Variants in CPSF7 observed in about 807,000 individuals in gnomAD.
The protein encoded by CPSF7 is cleavage and polyadenylation specific factor 7, also known as cleavage and polyadenylation specificity factor subunit 7.
Under a neutral mutation model 44.3 loss-of-function variants are expected in CPSF7, and 1 was observed. The observed-to-expected ratio is 0.02, with a 90% CI of 0.01 to 0.11. CPSF7 has a LOEUF of 0.11. Ranked by LOEUF, CPSF7 falls within the 10% of genes least tolerant of loss-of-function variation. CPSF7 has a pLI of 1.00. For synonymous variants in CPSF7, 202 were observed against 222.0 expected, an observed-to-expected ratio of 0.91 and a Z score of 0.80; for missense variants, 443 against 607.2, an observed-to-expected ratio of 0.73 and a Z score of 2.84.
intron 3 of CPSF7, chr11:61,420,908 T>G: frequency 4.0e-6 from 2 of 504,758 alleles, no homozygotes; most frequent in Admixed American, 5.2e-5. Context: ...TTGCCAGAAC[T>G]TCCCCCACAG....
chr11:61,409,099 C>A (rs1859604529), intron 9 of CPSF7, among the ~76,000 whole-genome samples: 1 of 151,918 alleles, frequency 6.6e-6, no homozygotes, highest in Non-Finnish European at 1.5e-5. Flanking sequence ...GATGGTGCCT[C>A]ATGACAGTGC....
At position 61,429,936 on chromosome 11, in the gene CPSF7, G is replaced by GCGA. The variant is rs1332738518; in HGVS notation, c.-81_-79dup. 7.0e-7 allele frequency: 1 copy of GCGA among 1,425,776 alleles called. No homozygotes were observed. Among genetic ancestry groups the GCGA allele is most frequent in the East Asian group, 2.6e-5 (1 of 38,560 alleles). 88.3% of individuals were successfully genotyped at this position (1,425,776 alleles called of 1,614,324 possible). A position where few individuals can be genotyped will look rare whatever the true frequency, so the allele number is the denominator to read the frequency against. On this transcript the variant is annotated 5_prime_UTR_variant, in exon 1 of 10. Coordinates refer to ENST00000439958, the MANE Select transcript of CPSF7 (RefSeq NM_001142565.3). ...TACCGGGAATATGGCGGCGGCGGCG[G>GCGA]CGAGTCCGGACTAGGCCCGAAGCGC...
intron 3 of CPSF7, 43 bp downstream of exon 3, chr11:61,421,347 C>A (rs372493549): frequency 3.3e-6 from 5 of 1,528,014 alleles, no homozygotes; most frequent in Non-Finnish European, 4.5e-6. Flanking sequence ...CCAGTGCTCT[C>A]CCTCCAGCCC....
chr11:61,427,655 GAAAAAAA>G (rs576742257), intron 2 of CPSF7, among the ~76,000 whole-genome samples: 2 of 41,710 alleles, frequency 4.8e-5, no homozygotes, highest in South Asian at 7.6e-4. Flanking sequence ...TCTGTCTCAA[GAAAAAAA>G]AAAAAAAAAA....
Position 61,429,190 on chromosome 11 carries a change from ACTC to A in CPSF7, c.43_45del (p.Glu15del), listed in dbSNP as rs1861688826. On this transcript the variant is annotated inframe_deletion, in exon 2 of 10. Transcript: ENST00000439958. ...TCCTGATGACACCTCACCTGGTTGAACTCCTCGTCAGCATATATATCAATCAAG... is the reference window on the plus strand; with the variant it reads ...TCCTGATGACACCTCACCTGGTTGAACTCGTCAGCATATATATCAATCAAG... 3.1e-6 allele frequency: 5 copies of A among 1,592,498 alleles called. No individual in the cohort carries two copies. The highest frequency in any genetic ancestry group is 4.3e-6 in the Non-Finnish European group (5 of 1,161,790).
At position 61,416,224 on chromosome 11, in the gene CPSF7, A is replaced by C; in HGVS notation, c.819T>G (p.Pro273=). The C allele has an allele frequency of 1.3e-6, 2 of 1,531,022 alleles. No homozygotes were observed. The highest frequency in any genetic ancestry group is 1.8e-6 in the Non-Finnish European group (2 of 1,141,070). The allele number at this position is 1,531,022 out of a possible 1,614,324, so 94.8% of individuals were successfully genotyped here. The change falls in exon 6 of 10, where the codon CCT becomes CCG. Residue 273 remains proline, a synonymous_variant. Transcript: ENST00000439958. ...RLPPHLAVPP[P]GAIPPALHLN... is the part of the protein sequence containing the mutation. ...GGTGAAGGGCAGGTGGGATGGCCCC[A>C]GGGGGAGGTACAGCAAGATGAGGAG...
intron 2 of CPSF7, among the ~76,000 whole-genome samples, chr11:61,428,439 G>A (rs1211607138): frequency 6.6e-6 from 1 of 152,074 alleles, no homozygotes; most frequent in Non-Finnish European, 1.5e-5. Flanking sequence ...TCCCATCTCA[G>A]GCTCCAGAGC....
intron 9 of CPSF7, chr11:61,410,467 T>C (rs1005470674): frequency 2.6e-5 from 4 of 151,922 alleles, no homozygotes; most frequent in African/African-American, 7.3e-5. Flanking sequence ...CTAATTTAAA[T>C]TGAAAGTTCA....
Position 61,415,801 on chromosome 11 carries a change from C to A in CPSF7, c.939-17G>T, listed in dbSNP as rs200649476. 6.9e-5 allele frequency: 105 copies of A among 1,517,940 alleles called. No homozygotes were observed. Among genetic ancestry groups the A allele is most frequent in the Non-Finnish European group, 8.9e-5 (97 of 1,092,600 alleles). 94.0% of individuals were successfully genotyped at this position (1,517,940 alleles called of 1,614,324 possible). ...GAATCTCGGCTGTACAGAGAAAATACCATCCTTGATTGCTCACATCCCTTA... is the reference window on the plus strand; with the variant it reads ...GAATCTCGGCTGTACAGAGAAAATAACATCCTTGATTGCTCACATCCCTTA... On this transcript the variant is annotated splice_polypyrimidine_tract_variant and intron_variant, in intron 6 of 9. Coordinates refer to ENST00000439958, the MANE Select transcript of CPSF7 (RefSeq NM_001142565.3).
intron 7 of CPSF7, among the ~76,000 whole-genome samples, chr11:61,414,488 T>TG (rs1179156383): frequency 6.6e-6 from 1 of 152,066 alleles, no homozygotes; most frequent in Non-Finnish European, 1.5e-5. Flanking sequence ...ATTTTTCTGG[T>TG]GGGAAAAAAA....
At chr11:61,428,967 C>G in intron 2 of CPSF7, 1 of 389,646 alleles carries the variant, frequency 2.6e-6, no homozygotes. Context: ...TTTATTTGCT[C>G]TTAAATCAAA....
chr11:61,427,893 T>A (rs759561624), intron 2 of CPSF7, among the ~76,000 whole-genome samples: 1 of 152,154 alleles, frequency 6.6e-6, no homozygotes, highest in African/African-American at 2.4e-5. Context: ...TTATGCCAAG[T>A]GAAAAATAAA....
At chr11:61,418,505 C>T (rs1437713862) in intron 5 of CPSF7, among the ~76,000 whole-genome samples, 1 of 152,100 alleles carries the variant, frequency 6.6e-6, no homozygotes, top group African/African-American at 2.4e-5. Flanking sequence ...AACCATAACA[C>T]CAATTTATTA....
chr11:61,420,669 C>G, intron 3 of CPSF7, 96 bp from the exon 4 acceptor site: 1 of 899,416 alleles, frequency 1.1e-6, no homozygotes, highest in Non-Finnish European at 1.8e-6. Flanking sequence ...ACTAAGTCCC[C>G]CCAGAGGAAA....
chr11:61,415,870 A>G, intron 6 of CPSF7, 86 bp from the exon 7 acceptor site: 1 of 1,051,404 alleles, frequency 9.5e-7, no homozygotes, highest in Non-Finnish European at 1.5e-6. Flanking sequence ...TTTTGGCATA[A>G]CACAGAACAA....
chr11:61,419,795 G>C, intron 5 of CPSF7, 154 bp downstream of exon 5: 1 of 860,738 alleles, frequency 1.2e-6, no homozygotes, highest in South Asian at 1.7e-5. Context: ...AGGACTACTT[G>C]TCGACCATGA....
At position 61,411,021 on chromosome 11, in the gene CPSF7, A is replaced by C; in HGVS notation, c.1311T>G (p.Asp437Glu). 3.1e-6 allele frequency: 5 copies of C among 1,613,572 alleles called. No homozygotes were observed. Among genetic ancestry groups the C allele is most frequent in the Non-Finnish European group, 4.2e-6 (5 of 1,179,890 alleles). ...RRHRDLLHNE[D>E]RHDDYFQERN... ...TTTCTTGGAAATAATCATCATGCCGATCTTCATTATGAAGCAGATCCCGGT... is the reference window on the plus strand; with the variant it reads ...TTTCTTGGAAATAATCATCATGCCGCTCTTCATTATGAAGCAGATCCCGGT... Residue 437 changes from aspartate (D) to glutamate (E), a missense_variant, in exon 9 of 10, where the codon GAT becomes GAG. By Grantham distance (45) the Asp-to-Glu change is conservative (BLOSUM62 2). Coordinates refer to ENST00000439958, the MANE Select transcript of CPSF7 (RefSeq NM_001142565.3).
intron 1 of CPSF7, 117 bp from the exon 2 acceptor site, chr11:61,429,407 G>C (rs908818266): frequency 1.6e-5 from 10 of 632,528 alleles, no homozygotes; most frequent in East Asian, 1.3e-4. Context: ...GCCCCAGCTC[G>C]GCCCCACCCG....
rs1250020550 is a variant in CPSF7 at position 61,415,686 on chromosome 11, G to A, written c.1037C>T (p.Ala346Val). Reference protein sequence around the residue: ...RAISSSAISKAVSGASAGDYS... With the variant: ...RAISSSAISKVVSGASAGDYS... ...GTTACCTGCACTGGCTCCAGATACT[G>A]CTTTGGAAATGGCACTGCTGGAAAT... Residue 346 changes from alanine (A) to valine (V), a missense_variant, in exon 7 of 10, where the codon GCA (alanine) becomes GTA (valine). Physicochemically the swap from Ala to Val is moderately conservative, Grantham distance 64. Coordinates refer to ENST00000439958, the MANE Select transcript of CPSF7 (RefSeq NM_001142565.3). The A allele has an allele frequency of 6.2e-7, 1 of 1,612,150 alleles. No homozygotes were observed. Among genetic ancestry groups the A allele is most frequent in the Admixed American group, 1.7e-5 (1 of 60,010 alleles).
Sources: allele counts gnomAD v4.1 joint callset (sites outside exome capture counted in the v4.1 genomes callset), GRCh38; gene constraint gnomAD v4.1.1; transcripts MANE v1.5; gene names NCBI Gene and HGNC (gene_info 2026-07-23, HGNC 2026-07-21).